ZNF487: variants seen among roughly 807,000 people sequenced by gnomAD.
ZNF487 encodes the protein KRAB domain only 1.
In ZNF487, 4 loss-of-function variants were observed where a neutral mutation model predicts 3.0. That is an observed-to-expected ratio of 1.35 (90% CI 0.66 to 3.08). The LOEUF is 3.08. ZNF487 is among the 30% of genes most tolerant of loss of function. The pLI is 0.01. For synonymous variants in ZNF487, 55 were observed against 34.6 expected (o/e 1.59, Z -2.06); for missense variants, 146 against 98.7 (o/e 1.48, Z -2.03).
intron 1 of ZNF487, among the ~76,000 whole-genome samples, chr10:43,469,429 G>A (rs1840824654): frequency 6.6e-6 from 1 of 152,088 alleles, no homozygotes; most frequent in Non-Finnish European, 1.5e-5. Context: ...CTGACCTCAG[G>A]TGATCCACCA....
At chr10:43,439,011 G>A (rs141978926) in intron 1 of ZNF487, among the ~76,000 whole-genome samples, 419 of 152,250 alleles carry the variant, frequency 2.8e-3, no homozygotes, top group Non-Finnish European at 5.0e-3. Flanking sequence ...GGAGGTCGAG[G>A]TGGGTGGATC....
intron 3 of ZNF487, among the ~76,000 whole-genome samples, chr10:43,480,819 A>G (rs1346788351): frequency 2.0e-5 from 3 of 152,086 alleles, no homozygotes; most frequent in Admixed American, 6.6e-5. Flanking sequence ...AATTGACAAG[A>G]GGAAGACTCT....
At chr10:43,483,254 T>G (rs1841432615), downstream of ZNF487, 1 of 375,272 alleles carries the variant, frequency 2.7e-6, no homozygotes, top group South Asian at 2.1e-5. Flanking sequence ...GTTGTTACTT[T>G]TTTGAGACAG....
At chr10:43,494,927 A>C in the ZNF487 span, among the ~76,000 whole-genome samples, 1 of 106,494 alleles carries the variant, frequency 9.4e-6, no homozygotes, top group African/African-American at 3.5e-5. Context: ...GCAGAGTGAG[A>C]CTCCATCTCA....
the ZNF487 span, among the ~76,000 whole-genome samples, chr10:43,491,797 C>T: frequency 5.3e-5 from 8 of 151,824 alleles, 1 homozygote; most frequent in South Asian, 1.4e-3. Flanking sequence ...AGTTAGCTAA[C>T]GTCTTTTGTA....
At chr10:43,494,949 A>AC in the ZNF487 span, among the ~76,000 whole-genome samples, 1 of 150,978 alleles carries the variant, frequency 6.6e-6, no homozygotes, top group African/African-American at 2.4e-5. Context: ...AAAAAAAAAA[A>AC]AATCAGCACG....
chr10:43,453,831 G>C (rs1483907793), intron 1 of ZNF487: 1 of 152,152 alleles, frequency 6.6e-6, no homozygotes, highest in Non-Finnish European at 1.5e-5. Context: ...TGGGGGACTG[G>C]TGTTATTAAA....
intron 3 of ZNF487, among the ~76,000 whole-genome samples, chr10:43,479,508 A>C (rs1447832157): frequency 6.6e-6 from 1 of 152,112 alleles, no homozygotes; most frequent in African/African-American, 2.4e-5. Flanking sequence ...ATAATAGAAT[A>C]GTAAAGAACA....
At chr10:43,451,977 C>T (rs1840026871) in intron 1 of ZNF487, 1 of 152,254 alleles carries the variant, frequency 6.6e-6, no homozygotes, top group South Asian at 2.1e-4. Context: ...ACTTTGCTGG[C>T]TCTGCGAGGA....
the ZNF487 span, among the ~76,000 whole-genome samples, chr10:43,488,774 G>A: frequency 6.6e-6 from 1 of 152,076 alleles, no homozygotes; most frequent in Non-Finnish European, 1.5e-5. Flanking sequence ...ATAAATGACT[G>A]ACCAAGTAGG....
the ZNF487 span, among the ~76,000 whole-genome samples, chr10:43,509,820 G>A: frequency 7.2e-5 from 11 of 151,972 alleles, no homozygotes; most frequent in East Asian, 3.9e-4. Context: ...AGACACGCCC[G>A]GGATCCATAC....
At chr10:43,437,049 G>A, upstream of ZNF487, 1 of 332,930 alleles carries the variant, frequency 3.0e-6, no homozygotes, top group South Asian at 2.1e-5. Flanking sequence ...GGAAGCGCAG[G>A]GAGCGCTGGA....
chr10:43,454,574 A>C (rs1840109669), intron 1 of ZNF487: 1 of 152,194 alleles, frequency 6.6e-6, no homozygotes, highest in South Asian at 2.1e-4. Context: ...AAGTAATGCA[A>C]AAATTTAGTG....
At chr10:43,484,866 G>A (rs1034100338), downstream of ZNF487, among the ~76,000 whole-genome samples, 5 of 152,156 alleles carry the variant, frequency 3.3e-5, no homozygotes, top group African/African-American at 1.2e-4. Flanking sequence ...TTAGGATCCT[G>A]TCATTTATGA....
chr10:43,496,076 G>C, the ZNF487 span: 1 of 534,254 alleles, frequency 1.9e-6, no homozygotes, highest in Non-Finnish European at 3.8e-6. Context: ...GTAGCATCTG[G>C]GCCCTATTGA....
chr10:43,508,518 A>T, the ZNF487 span, among the ~76,000 whole-genome samples: 1 of 152,172 alleles, frequency 6.6e-6, no homozygotes, highest in Admixed American at 6.5e-5. Context: ...CACAGTTAAA[A>T]TAATATCGGG....
chr10:43,493,709 A>AAAAAAAAAAATATATATATATAT, the ZNF487 span, among the ~76,000 whole-genome samples: 1 of 43,702 alleles, frequency 2.3e-5, no homozygotes, highest in African/African-American at 8.7e-5. Flanking sequence ...AAAAAAAAAA[A>AAAAAAAAAAATATATATATATAT]ATATATATAT....
At chr10:43,447,365 C>T (rs183813316) in intron 1 of ZNF487, among the ~76,000 whole-genome samples, 1 of 152,156 alleles carries the variant, frequency 6.6e-6, no homozygotes, top group Non-Finnish European at 1.5e-5. Flanking sequence ...GCCTTAGCCT[C>T]CTGAGAGCTG....
intron 1 of ZNF487, among the ~76,000 whole-genome samples, chr10:43,465,540 A>C (rs865949164): frequency 6.7e-5 from 9 of 134,360 alleles, no homozygotes; most frequent in Admixed American, 1.5e-4. Flanking sequence ...CGCTCCTCAC[A>C]TCCCTGACGG....
Sources: gnomAD v4.1 joint callset for allele counts (sites outside exome capture counted in the v4.1 genomes callset) on GRCh38, gnomAD v4.1.1 for gene constraint, MANE v1.5 for transcripts, NCBI Gene and HGNC (gene_info 2026-07-23, HGNC 2026-07-21) for gene names.